ATP2C2: variants seen among roughly 807,000 people sequenced by gnomAD.
ATP2C2 encodes the protein calcium-transporting ATPase type 2C member 2.
A neutral mutation model predicts 110.8 loss-of-function variants in ATP2C2; 171 were observed. The ratio of observed to expected loss-of-function variants is 1.54; its 90% CI spans 1.36 to 1.75. ATP2C2 has a LOEUF of 1.75. Ranked by LOEUF, ATP2C2 falls within the 40% of genes most tolerant of loss-of-function variation. The probability of loss-of-function intolerance (pLI) is 0.00; values close to 1 mark genes in which losing one functional copy is unlikely to be tolerated. For synonymous variants in ATP2C2, 804 were observed against 508.4 expected (o/e 1.58, Z -7.82); for missense variants, 1,963 against 1,235.0 (o/e 1.59, Z -8.84).
intron 1 of ATP2C2, among the ~76,000 whole-genome samples, chr16:84,374,096 GGTATCTATTT>G (rs1232434969): frequency 6.6e-6 from 1 of 152,164 alleles, no homozygotes; most frequent in Non-Finnish European, 1.5e-5. Flanking sequence ...TTCTTCATTT[GGTATCTATTT>G]GTATGTACTA....
At chr16:84,439,083 A>T in intron 11 of ATP2C2, 83 bp from the exon 12 acceptor site, 11 of 1,571,706 alleles carry the variant, frequency 7.0e-6, no homozygotes, top group Non-Finnish European at 8.7e-6. Context: ...AAGCTTCACC[A>T]GCCAAAAGCA....
chr16:84,446,298 T>C, intron 15 of ATP2C2, 31 bp from the exon 16 acceptor site: 5 of 1,366,924 alleles, frequency 3.7e-6, no homozygotes, highest in Non-Finnish European at 5.1e-6. Flanking sequence ...TTCGGATGAC[T>C]CACTAAAAAT....
rs79411633 is a variant in ATP2C2, at chr16:84,410,454, G to A, written c.418-114G>A. On this transcript the variant is annotated intron_variant, in intron 4 of 26. Transcript: ENST00000262429. Reference sequence around the variant, plus strand: ...TTCTAAATTTCTGTACTGTGCACATGTTTTGCAAGAAGAAAGGAAATCAAT... The same window carrying A: ...TTCTAAATTTCTGTACTGTGCACATATTTTGCAAGAAGAAAGGAAATCAAT... 10,489 of 1,260,296 alleles carry A rather than the reference G, an allele frequency of 8.3e-3. 603 individuals carry two copies. The African/African-American group carries it at 0.13, about 15-fold the overall frequency. 78.1% of individuals were successfully genotyped at this position (1,260,296 alleles called of 1,614,324 possible).
intron 2 of ATP2C2, among the ~76,000 whole-genome samples, 161 bp downstream of exon 2, chr16:84,398,770 G>T (rs1297772296): frequency 6.6e-6 from 1 of 152,212 alleles, no homozygotes; most frequent in Admixed American, 6.5e-5. Context: ...AGATTCCACA[G>T]GTAGAATATC....
At chr16:84,418,448 C>G (rs189226088) in intron 7 of ATP2C2, among the ~76,000 whole-genome samples, 12 of 152,334 alleles carry the variant, frequency 7.9e-5, no homozygotes, top group Admixed American at 3.3e-4. Flanking sequence ...GCCACCTGAT[C>G]TTCTACCTGC....
intron 2 of ATP2C2, among the ~76,000 whole-genome samples, chr16:84,402,852 T>C (rs1018110957): frequency 2.0e-5 from 3 of 152,170 alleles, no homozygotes; most frequent in South Asian, 4.1e-4. Context: ...AATTATTTAG[T>C]AGGATTGGTA....
chr16:84,444,924 G>A (rs186984802), intron 15 of ATP2C2, among the ~76,000 whole-genome samples: 33 of 152,238 alleles, frequency 2.2e-4, no homozygotes, highest in Admixed American at 9.2e-4. Context: ...GTGGTTCCCG[G>A]GCTTTTCTTC....
chr16:84,444,900 C>T (rs1457116409), intron 15 of ATP2C2, among the ~76,000 whole-genome samples: 1 of 152,240 alleles, frequency 6.6e-6, no homozygotes, highest in African/African-American at 2.4e-5. Context: ...CTAAATGGCA[C>T]TGAGGCCAGG....
chr16:84,429,139 G>GT (rs68157176), intron 11 of ATP2C2, among the ~76,000 whole-genome samples: 75 of 151,590 alleles, frequency 4.9e-4, no homozygotes, highest in African/African-American at 5.3e-4. Context: ...TCATGGCGTT[G>GT]TTTTTTTTGT....
chr16:84,425,228 C>T (rs896438782), intron 10 of ATP2C2, among the ~76,000 whole-genome samples: 1 of 152,174 alleles, frequency 6.6e-6, no homozygotes, highest in African/African-American at 2.4e-5. Flanking sequence ...CTACTCACAC[C>T]TCCGTGTCTC....
intron 1 of ATP2C2, among the ~76,000 whole-genome samples, chr16:84,390,514 TAACATCTTGGGG>T (rs1423001584): frequency 6.6e-6 from 1 of 152,132 alleles, no homozygotes; most frequent in African/African-American, 2.4e-5. Flanking sequence ...AGCAGGCAAA[TAACATCTTGGGG>T]GTTCCAAAGG....
At chr16:84,448,367 C>T (rs935319829) in intron 16 of ATP2C2, among the ~76,000 whole-genome samples, 166 bp from the exon 17 acceptor site, 2 of 152,210 alleles carry the variant, frequency 1.3e-5, no homozygotes, top group African/African-American at 4.8e-5. Flanking sequence ...GATTCTAGAA[C>T]TTCGCGAACC....
chr16:84,384,242 T>C (rs1904293611), intron 1 of ATP2C2, among the ~76,000 whole-genome samples: 1 of 152,268 alleles, frequency 6.6e-6, no homozygotes, highest in Admixed American at 6.5e-5. Context: ...CACGTCCCTC[T>C]GTTTCTCCTT....
At chr16:84,463,218 AATTCATCCCAGGGAACATGTCGG>A (rs1567471106) in intron 26 of ATP2C2, among the ~76,000 whole-genome samples, 26 of 45,546 alleles carry the variant, frequency 5.7e-4, no homozygotes, top group Non-Finnish European at 8.2e-4. Flanking sequence ...TGTCGCTGGG[AATTCATCCCAGGGAACATGTCGG>A]GGTGCACTGG....
intron 11 of ATP2C2, chr16:84,426,051 TA>T (rs11286978): frequency 0.52 from 186,801 of 357,022 alleles, 34,586 homozygotes; most frequent in Non-Finnish European, 0.56. Context: ...CTTGCATTGC[TA>T]AAAAAAAAAA....
At chr16:84,416,430 A>C (rs1906840650) in intron 7 of ATP2C2, among the ~76,000 whole-genome samples, 1 of 152,186 alleles carries the variant, frequency 6.6e-6, no homozygotes. Context: ...TTATTTACTG[A>C]TGGGATGCAT....
chr16:84,416,853 C>G (rs960009028), intron 7 of ATP2C2, among the ~76,000 whole-genome samples: 4 of 152,166 alleles, frequency 2.6e-5, no homozygotes, highest in African/African-American at 9.7e-5. Context: ...TGTGGCCAAT[C>G]CCCGCCTACA....
At chr16:84,413,488 G>T (rs959569459) in intron 6 of ATP2C2, among the ~76,000 whole-genome samples, 2 of 152,182 alleles carry the variant, frequency 1.3e-5, no homozygotes, top group African/African-American at 2.4e-5. Context: ...TGGGCTCGCT[G>T]GTCGGATGAA....
At position 84,442,392 on chromosome 16, in the gene ATP2C2, T is replaced by C. The variant is rs919106912; in HGVS notation, c.1312-118T>C. 7 of 912,772 alleles carry C rather than the reference T, an allele frequency of 7.7e-6. No homozygotes were observed. In the African/African-American group the frequency reaches 9.9e-5, roughly 13 times the overall value. The allele number at this position is 912,772 out of a possible 1,614,324, so 56.5% of individuals were successfully genotyped here. A position where few individuals can be genotyped will look rare whatever the true frequency, so the allele number is the denominator to read the frequency against. On this transcript the variant is annotated intron_variant, in intron 14 of 26. Transcript: ENST00000262429. ...TTTAAAAAGCCGGGACGCTGAGTTG[T>C]TTTAAAGAGCAAGTCTTGTCCCCAC...
Sources: allele counts gnomAD v4.1 joint callset (sites outside exome capture counted in the v4.1 genomes callset), GRCh38; gene constraint gnomAD v4.1.1; transcripts MANE v1.5; gene names NCBI Gene and HGNC (gene_info 2026-07-23, HGNC 2026-07-21).